The following DAB2IP variants were observed in gnomAD, a reference collection of about 807,000 sequenced individuals.
The protein encoded by DAB2IP is DAB2 interacting protein.
A neutral mutation model predicts 107.2 loss-of-function variants in DAB2IP; 28 were observed. The ratio of observed to expected loss-of-function variants is 0.26; its 90% CI spans 0.19 to 0.36. The LOEUF (loss-of-function observed/expected upper bound fraction) is 0.36, where lower values mean the gene tolerates loss of function less well. Among genes scored for constraint, DAB2IP ranks in the 10% least tolerant of loss-of-function variants. The pLI is 1.00. For missense variants in DAB2IP, 1,400 were observed against 1,644.7 expected (o/e 0.85, Z 2.57); for synonymous variants, 755 against 706.4 (o/e 1.07, Z -1.09).
intron 2 of DAB2IP, among the ~76,000 whole-genome samples, chr9:121,688,440 G>A (rs928023603): frequency 6.6e-6 from 1 of 152,186 alleles, no homozygotes; most frequent in African/African-American, 2.4e-5. Context: ...TCCCAGCAGG[G>A]TGGGGGATCC....
chr9:121,679,176 T>G (rs1043444880), intron 2 of DAB2IP, among the ~76,000 whole-genome samples: 2 of 151,830 alleles, frequency 1.3e-5, no homozygotes, highest in African/African-American at 4.8e-5. Flanking sequence ...TTTTAACACC[T>G]CTCATGGCAT....
At chr9:121,568,479 A>C (rs1483688312) in intron 1 of DAB2IP, among the ~76,000 whole-genome samples, 2 of 152,200 alleles carry the variant, frequency 1.3e-5, no homozygotes, top group Non-Finnish European at 2.9e-5. Context: ...AGTGAATGGA[A>C]GGAGGAGGAG....
intron 1 of DAB2IP, among the ~76,000 whole-genome samples, chr9:121,628,455 G>A (rs993415327): frequency 6.6e-6 from 1 of 152,234 alleles, no homozygotes; most frequent in African/African-American, 2.4e-5. Context: ...AGGGCACCTG[G>A]TCCTGGCTAT....
intron 1 of DAB2IP, among the ~76,000 whole-genome samples, chr9:121,612,232 C>T (rs559607742): frequency 2.0e-5 from 3 of 151,920 alleles, no homozygotes; most frequent in South Asian, 2.1e-4. Context: ...GTGGGAGGAT[C>T]GCTTAAGTCC....
At chr9:121,694,040 C>A (rs1829294034) in intron 2 of DAB2IP, among the ~76,000 whole-genome samples, 1 of 152,140 alleles carries the variant, frequency 6.6e-6, no homozygotes, top group Admixed American at 6.5e-5. Flanking sequence ...GGGTGGGAAG[C>A]CTCCAGGTCT....
intron 14 of DAB2IP, among the ~76,000 whole-genome samples, chr9:121,779,061 G>A (rs1835409443): frequency 6.6e-6 from 1 of 151,936 alleles, no homozygotes; most frequent in South Asian, 2.1e-4. Flanking sequence ...CTGATGCTCT[G>A]TTATCTTCTT....
chr9:121,744,107 G>C (rs1316401539), intron 3 of DAB2IP, among the ~76,000 whole-genome samples: 1 of 152,214 alleles, frequency 6.6e-6, no homozygotes, highest in East Asian at 1.9e-4. Context: ...GAGGAGCTTG[G>C]CCTTTGCTCT....
intron 1 of DAB2IP, among the ~76,000 whole-genome samples, chr9:121,624,227 C>A (rs1446652172): frequency 2.0e-5 from 3 of 152,230 alleles, no homozygotes; most frequent in African/African-American, 4.8e-5. Flanking sequence ...GCGGGGCTGC[C>A]CAGAGGCAGG....
intron 2 of DAB2IP, among the ~76,000 whole-genome samples, chr9:121,679,552 A>G (rs151014431): frequency 1.5e-3 from 229 of 152,144 alleles, no homozygotes; most frequent in African/African-American, 5.2e-3. Flanking sequence ...GATGACATAG[A>G]CACATTCCTT....
chr9:121,710,750 C>T (rs1394743850), intron 3 of DAB2IP, among the ~76,000 whole-genome samples: 1 of 152,206 alleles, frequency 6.6e-6, no homozygotes, highest in African/African-American at 2.4e-5. Flanking sequence ...ACTCCCCCAC[C>T]AGCCTCTGCT....
At chr9:121,708,246 AC>A (rs1399989694) in intron 3 of DAB2IP, among the ~76,000 whole-genome samples, 1 of 152,182 alleles carries the variant, frequency 6.6e-6, no homozygotes, top group East Asian at 1.9e-4. Flanking sequence ...AGAAACTGAA[AC>A]CCGATGTGTG....
Position 121,572,784 on chromosome 9 carries a change from G to T in DAB2IP, c.40+5556G>T, listed in dbSNP as rs554411256. ...AGGGGAGTCTGTGACTCGTACAGGA[G>T]CGGGGGTTGGGCTCAGACAGCCCGC... On this transcript the variant is annotated intron_variant, in intron 1 of 16. Transcript: ENST00000259371. Among the ~76,000 whole-genome samples the T allele has an allele frequency of 3.6e-4, 54 of 151,190 alleles. 1 individual carries two copies. The highest frequency in any genetic ancestry group is 5.2e-4 in the Non-Finnish European group (35 of 67,572).
rs1379954861 is a variant in DAB2IP at position 121,760,570 on chromosome 9, T to G, written c.1170+131T>G. Reference sequence around the variant, plus strand: ...ACCGGTCACTACCAGAAGGGCTCCCTAAACCCAAAAGTTCTATCGTGGGCT... The same window carrying G: ...ACCGGTCACTACCAGAAGGGCTCCCGAAACCCAAAAGTTCTATCGTGGGCT... On this transcript the variant is annotated intron_variant, in intron 6 of 15. Transcript: ENST00000408936. The surrounding 1 kb of genome is among the most constrained non-coding windows in gnomAD (Gnocchi z 5.9). 8.6e-7 allele frequency: 1 copy of G among 1,167,142 alleles called. No homozygotes were observed. Among genetic ancestry groups the G allele is most frequent in the African/African-American group, 1.6e-5 (1 of 64,392 alleles). The allele number at this position is 1,167,142 out of a possible 1,614,324, so 72.3% of individuals were successfully genotyped here.
chr9:121,606,545 TC>T (rs1830879438), intron 1 of DAB2IP, among the ~76,000 whole-genome samples: 1 of 152,112 alleles, frequency 6.6e-6, no homozygotes, highest in African/African-American at 2.4e-5. Context: ...GCTCAGGACT[TC>T]CCTGACTCCC....
intron 1 of DAB2IP, among the ~76,000 whole-genome samples, chr9:121,678,247 C>A (rs914584481): frequency 6.6e-6 from 1 of 152,228 alleles, no homozygotes; most frequent in Non-Finnish European, 1.5e-5. Context: ...TGGGATCATA[C>A]AAAATATGTC....
chr9:121,614,985 C>T (rs763141370), intron 1 of DAB2IP, among the ~76,000 whole-genome samples: 8 of 152,106 alleles, frequency 5.3e-5, no homozygotes, highest in African/African-American at 1.4e-4. Context: ...CCACGAGCCT[C>T]GGCCTCCCAA....
intron 3 of DAB2IP, among the ~76,000 whole-genome samples, chr9:121,750,162 G>A (rs571662210): frequency 6.6e-6 from 1 of 152,322 alleles, no homozygotes; most frequent in Admixed American, 6.5e-5. Context: ...TGGGGAAACT[G>A]AGTCCTAGAG....
chr9:121,654,671 G>C (rs1832902811), intron 1 of DAB2IP, among the ~76,000 whole-genome samples: 1 of 152,160 alleles, frequency 6.6e-6, no homozygotes, highest in East Asian at 1.9e-4. Context: ...GAGAAACTCA[G>C]GCTGAGGAAG....
intron 8 of DAB2IP, 112 bp downstream of exon 8, chr9:121,763,991 G>A: frequency 6.9e-7 from 1 of 1,456,586 alleles, no homozygotes; most frequent in East Asian, 2.3e-5. Flanking sequence ...GTACTGACTT[G>A]CCAGTCCCCT....
Sources: gnomAD v4.1 joint callset for allele counts (sites outside exome capture counted in the v4.1 genomes callset) on GRCh38, gnomAD v4.1.1 for gene constraint, Gnocchi (gnomAD v3.1) non-coding constraint, MANE v1.5 for transcripts, NCBI Gene and HGNC (gene_info 2026-07-23, HGNC 2026-07-21) for gene names.